CDH13: variants seen among roughly 807,000 people sequenced by gnomAD.
CDH13 encodes the protein cadherin 13.
In CDH13, 24 loss-of-function variants were observed where a neutral mutation model predicts 63.8. The observed-to-expected ratio is 0.38, with a 90% CI of 0.27 to 0.53. CDH13 has a LOEUF of 0.53. CDH13 is among the 20% of genes least tolerant of loss of function. CDH13 has a pLI of 0.85. For missense variants in CDH13, 1,049 were observed against 903.1 expected (o/e 1.16, Z -2.07); for synonymous variants, 503 against 355.3 (o/e 1.42, Z -4.67).
intron 3 of CDH13, among the ~76,000 whole-genome samples, chr16:83,109,016 A>G (rs2034929678): frequency 6.6e-6 from 1 of 151,594 alleles, no homozygotes; most frequent in Non-Finnish European, 1.5e-5. Context: ...TGACCCACCA[A>G]TAAAGTACTT....
chr16:83,652,141 C>T (rs1336011829), intron 8 of CDH13, among the ~76,000 whole-genome samples: 1 of 152,158 alleles, frequency 6.6e-6, no homozygotes, highest in Admixed American at 6.5e-5. Flanking sequence ...GAATTACAGT[C>T]GGGCCCAAGG....
chr16:83,246,722 G>A lies in CDH13; in HGVS notation c.636+29225G>A, dbSNP rs75341458. On this transcript the variant is annotated intron_variant, in intron 5 of 13. Coordinates refer to ENST00000567109, the MANE Select transcript of CDH13 (RefSeq NM_001257.5). ...AGGCCCCTATGTTTACTCTTCGCCG[G>A]TGTTGCTGCCAGAAGCTTAAAGCTG... Among the ~76,000 whole-genome samples the A allele has an allele frequency of 4.7e-3, 714 of 152,262 alleles. 3 individuals are homozygous for A. The highest frequency in any genetic ancestry group is 0.016 in the African/African-American group (681 of 41,538).
At chr16:83,790,832 T>TA (rs1916215093) in intron 13 of CDH13, among the ~76,000 whole-genome samples, 1 of 152,246 alleles carries the variant, frequency 6.6e-6, no homozygotes, top group East Asian at 1.9e-4. Flanking sequence ...GCACGACTTT[T>TA]ATGGTATGGC....
At chr16:82,666,994 G>A (rs560078124) in intron 1 of CDH13, among the ~76,000 whole-genome samples, 1 of 152,272 alleles carries the variant, frequency 6.6e-6, no homozygotes, top group Admixed American at 6.5e-5. Flanking sequence ...TCTTAAACAC[G>A]CTTTGCCCTA....
intron 8 of CDH13, among the ~76,000 whole-genome samples, chr16:83,656,429 G>C (rs2150828875): frequency 1.3e-5 from 2 of 152,226 alleles, no homozygotes; most frequent in South Asian, 4.1e-4. Context: ...GCTGTGACTT[G>C]GCACTTACAA....
chr16:83,392,558 C>T (rs1443181572), intron 6 of CDH13, among the ~76,000 whole-genome samples: 2 of 152,152 alleles, frequency 1.3e-5, no homozygotes, highest in Admixed American at 6.5e-5. Flanking sequence ...GAACATCACA[C>T]GAATGAATAT....
intron 3 of CDH13, among the ~76,000 whole-genome samples, chr16:83,050,139 TA>T (rs1015757097): frequency 1.3e-5 from 2 of 151,876 alleles, no homozygotes; most frequent in Non-Finnish European, 2.9e-5. Context: ...CAAGATCTCT[TA>T]AAAAAAACCC....
chr16:82,761,207 G>A (rs1050964000), intron 1 of CDH13, among the ~76,000 whole-genome samples: 5 of 150,946 alleles, frequency 3.3e-5, no homozygotes, highest in African/African-American at 7.3e-5. Context: ...TATTTTTGAC[G>A]GGGTTTCACC....
intron 1 of CDH13, among the ~76,000 whole-genome samples, chr16:82,789,837 G>C (rs2036203587): frequency 1.3e-5 from 2 of 152,088 alleles, no homozygotes. Flanking sequence ...TTCTATGACT[G>C]ACCAGCCTGT....
At chr16:83,085,103 G>C (rs368299936) in intron 3 of CDH13, among the ~76,000 whole-genome samples, 97 of 152,110 alleles carry the variant, frequency 6.4e-4, no homozygotes, top group African/African-American at 2.2e-3. Context: ...TAGAGACATA[G>C]CTGAGACTGG....
At chr16:83,692,166 C>T (rs1904968771) in intron 10 of CDH13, among the ~76,000 whole-genome samples, 2 of 152,216 alleles carry the variant, frequency 1.3e-5, no homozygotes, top group Non-Finnish European at 2.9e-5. Context: ...CTCTCTCCAA[C>T]TTCTGTTTTT....
intron 3 of CDH13, among the ~76,000 whole-genome samples, chr16:83,057,300 C>A (rs1255786463): frequency 6.6e-6 from 1 of 152,056 alleles, no homozygotes; most frequent in Non-Finnish European, 1.5e-5. Flanking sequence ...TGAGAACAGA[C>A]TAATACTTGT....
chr16:83,633,924 C>T (rs574969387), intron 8 of CDH13, among the ~76,000 whole-genome samples: 2 of 152,216 alleles, frequency 1.3e-5, no homozygotes, highest in South Asian at 4.2e-4. Context: ...CCTTATTTTT[C>T]CATTTTTCCA....
chr16:82,664,145 C>A (rs779730143), intron 1 of CDH13, among the ~76,000 whole-genome samples: 5 of 152,254 alleles, frequency 3.3e-5, no homozygotes, highest in Non-Finnish European at 2.9e-5. Flanking sequence ...CAGTGCTCAG[C>A]ACATAGTAAG....
At chr16:83,201,052 C>T (rs967288305) in intron 4 of CDH13, among the ~76,000 whole-genome samples, 62 of 151,696 alleles carry the variant, frequency 4.1e-4, no homozygotes, top group African/African-American at 1.4e-3. Context: ...AACTCAAGCC[C>T]AAGAAGCAGA....
At chr16:83,236,314 T>G (rs2040142759) in intron 5 of CDH13, among the ~76,000 whole-genome samples, 1 of 151,640 alleles carries the variant, frequency 6.6e-6, no homozygotes, top group Admixed American at 6.6e-5. Context: ...AAACTACAAT[T>G]GCTTCCTTAA....
At chr16:83,299,901 C>T (rs553599892) in intron 5 of CDH13, among the ~76,000 whole-genome samples, 2 of 152,342 alleles carry the variant, frequency 1.3e-5, no homozygotes, top group East Asian at 1.9e-4. Context: ...GCTGTAATCA[C>T]GATGCTGACC....
At chr16:83,050,571 A>G (rs2030201742) in intron 3 of CDH13, among the ~76,000 whole-genome samples, 1 of 151,654 alleles carries the variant, frequency 6.6e-6, no homozygotes, top group African/African-American at 2.4e-5. Context: ...TCCTGTCTTG[A>G]TTTTCCTTTG....
At chr16:83,149,516 A>C (rs2036885978) in intron 4 of CDH13, among the ~76,000 whole-genome samples, 1 of 152,240 alleles carries the variant, frequency 6.6e-6, no homozygotes, top group Admixed American at 6.5e-5. Context: ...CAAGTAATTC[A>C]TGGAAACTTA....
Sources: gnomAD v4.1 joint callset for allele counts (sites outside exome capture counted in the v4.1 genomes callset) on GRCh38, gnomAD v4.1.1 for gene constraint, MANE v1.5 for transcripts, NCBI Gene and HGNC (gene_info 2026-07-23, HGNC 2026-07-21) for gene names.